The following RBPMS2 variants were observed in gnomAD, a reference collection of about 807,000 sequenced individuals.
The protein encoded by RBPMS2 is RNA-binding protein with multiple splicing 2.
Under a neutral mutation model 25.7 loss-of-function variants are expected in RBPMS2, and 14 were observed. The ratio of observed to expected loss-of-function variants is 0.55; its 90% CI spans 0.36 to 0.85. The LOEUF (loss-of-function observed/expected upper bound fraction) is 0.85. Ranked by LOEUF, RBPMS2 falls within the 40% of genes least tolerant of loss-of-function variation. RBPMS2 has a pLI of 0.01. For missense variants in RBPMS2, 252 were observed against 283.4 expected (o/e 0.89, Z 0.80); for synonymous variants, 127 against 115.6 (o/e 1.10, Z -0.63).
chr15:64,760,869 A>T (rs900281578), intron 1 of RBPMS2, among the ~76,000 whole-genome samples: 1 of 151,664 alleles, frequency 6.6e-6, no homozygotes, highest in African/African-American at 2.4e-5. Flanking sequence ...AACCACTGGA[A>T]CCACTCCCCA....
intron 1 of RBPMS2, among the ~76,000 whole-genome samples, chr15:64,760,509 G>A (rs531482303): frequency 6.6e-6 from 1 of 152,200 alleles, no homozygotes; most frequent in East Asian, 1.9e-4. Context: ...ACAAATCCCG[G>A]CCTTAGAATA....
intron 1 of RBPMS2, among the ~76,000 whole-genome samples, chr15:64,757,517 G>A (rs1595790472): frequency 6.6e-6 from 1 of 152,172 alleles, no homozygotes; most frequent in South Asian, 2.1e-4. Flanking sequence ...TTCCCCAGAG[G>A]AGGTAATGCC....
intron 1 of RBPMS2, chr15:64,762,319 G>A: frequency 1.9e-6 from 1 of 517,506 alleles, no homozygotes; most frequent in Non-Finnish European, 3.9e-6. Flanking sequence ...AGCTGAGTGT[G>A]AGTGGCCTTG....
In RBPMS2 at chr15:64,751,652, C is replaced by T. The variant is rs1778777733; in HGVS notation, c.88-14G>A. 1.2e-6 allele frequency: 2 copies of T among 1,612,524 alleles called. No individual in the cohort carries two copies. The highest frequency in any genetic ancestry group is 3.3e-5 in the Admixed American group (2 of 59,990). ...CAGTGTCCGGACCTGGAGACAGAGACCAGTGATCAGGGCCAGGCTGCCCAA... is the reference window on the plus strand; with the variant it reads ...CAGTGTCCGGACCTGGAGACAGAGATCAGTGATCAGGGCCAGGCTGCCCAA... On this transcript the variant is annotated splice_polypyrimidine_tract_variant and intron_variant, in intron 1 of 7. Coordinates refer to ENST00000300069, the MANE Select transcript of RBPMS2 (RefSeq NM_194272.3).
intron 1 of RBPMS2, among the ~76,000 whole-genome samples, chr15:64,753,348 C>A (rs947580605): frequency 1.3e-5 from 2 of 152,202 alleles, no homozygotes; most frequent in African/African-American, 2.4e-5. Flanking sequence ...AGAACTTGCT[C>A]CGCTCTCTAG....
intron 1 of RBPMS2, among the ~76,000 whole-genome samples, chr15:64,773,485 G>C (rs1042105947): frequency 1.3e-5 from 2 of 152,218 alleles, no homozygotes; most frequent in African/African-American, 4.8e-5. Flanking sequence ...AACTCCCAAG[G>C]AGGAATAGTA....
chr15:64,740,964 CCA>C lies in RBPMS2; in HGVS notation c.*42_*43del. On this transcript the variant is annotated 3_prime_UTR_variant, in exon 8 of 8. Transcript: ENST00000300069. ...ACTCGGGGCGCCTGTCCCGGCACCA[CCA>C]CAGATTACCAGAACCACCTCCCCGG... is the stretch of plus-strand genomic sequence containing the variant. 2.0e-6 allele frequency: 1 copy of C among 512,156 alleles called. No homozygotes were observed. The highest frequency in any genetic ancestry group is 2.2e-5 in the South Asian group (1 of 44,938). The allele number at this position is 512,156 out of a possible 1,614,324, so 31.7% of individuals were successfully genotyped here.
At chr15:64,766,543 T>C (rs2083847869) in intron 1 of RBPMS2, among the ~76,000 whole-genome samples, 1 of 151,886 alleles carries the variant, frequency 6.6e-6, no homozygotes, top group Non-Finnish European at 1.5e-5. Context: ...TTTTTTTTTT[T>C]TAAGATGGAG....
chr15:64,748,816 G>A (rs1325348604), intron 5 of RBPMS2, among the ~76,000 whole-genome samples, 184 bp downstream of exon 5: 1 of 152,212 alleles, frequency 6.6e-6, no homozygotes, highest in Non-Finnish European at 1.5e-5. Context: ...CAGGGAAGCT[G>A]GAAGCCCTGG....
At chr15:64,751,718 A>G in intron 1 of RBPMS2, 80 bp from the exon 2 acceptor site, 3 of 1,163,030 alleles carry the variant, frequency 2.6e-6, no homozygotes, top group Non-Finnish European at 3.9e-6. Context: ...CAGGCAGGCA[A>G]CTGGAATCCT....
chr15:64,744,798 G>GTTGTTTT (rs2083601378), intron 6 of RBPMS2, among the ~76,000 whole-genome samples: 1 of 46,288 alleles, frequency 2.2e-5, no homozygotes, highest in African/African-American at 7.4e-5. Flanking sequence ...GGTTTGTTTT[G>GTTGTTTT]TTTTTTTTTT....
Position 64,748,527 on chromosome 15 carries a change from C to T in RBPMS2, c.459G>A (p.Glu153=). 1.9e-6 allele frequency: 3 copies of T among 1,605,178 alleles called. No homozygotes were observed. In the South Asian group the frequency reaches 3.3e-5, roughly 18 times the overall value. ...MGAALIPASP[E]AWAPYPLYTT... ...TGTACAAAGGGTAGGGGGCCCAGGC[C>T]TCTGGGGATGCAGGGATCAGAGCAG... Residue 153 remains glutamate, a synonymous_variant, in exon 6 of 8, where the codon GAG becomes GAA. Coordinates refer to ENST00000300069, the MANE Select transcript of RBPMS2 (RefSeq NM_194272.3).
At chr15:64,757,330 A>C (rs1265459513) in intron 1 of RBPMS2, among the ~76,000 whole-genome samples, 1 of 151,092 alleles carries the variant, frequency 6.6e-6, no homozygotes, top group African/African-American at 2.4e-5. Context: ...AGCTCACCTT[A>C]CTCTCCCCAT....
At chr15:64,749,521 ATATCTCTCCTAGCATTCCACCT>A (rs766988365) in intron 3 of RBPMS2, 28 bp from the exon 4 acceptor site, 2 of 1,580,324 alleles carry the variant, frequency 1.3e-6, no homozygotes, top group Admixed American at 3.5e-5. Flanking sequence ...GAACACCCTT[ATATCTCTCCTAGCATTCCACCT>A]CTCCCTCCAA....
chr15:64,749,097 T>G lies in RBPMS2; in HGVS notation c.321A>C (p.Lys107Asn). The G allele has an allele frequency of 6.2e-7, 1 of 1,614,162 alleles. No individual in the cohort carries two copies. Among genetic ancestry groups the G allele is most frequent in the Non-Finnish European group, 8.5e-7 (1 of 1,180,016 alleles). Residue 107 changes from lysine to asparagine, a missense_variant, in exon 5 of 8, where the codon AAA (lysine) becomes AAC (asparagine). Coordinates refer to ENST00000300069, the MANE Select transcript of RBPMS2 (RefSeq NM_194272.3). ...TGCTCTTGGCCATCTTGGTGTTGGC[T>G]TTGGCAAACTCTAGCCTCAGAGTCT... ...NPQTLRLEFA[K>N]ANTKMAKSKL...
chr15:64,754,248 G>T (rs918999563), intron 1 of RBPMS2, among the ~76,000 whole-genome samples: 1 of 152,094 alleles, frequency 6.6e-6, no homozygotes, highest in African/African-American at 2.4e-5. Flanking sequence ...GGAGGCAGAG[G>T]TTGTGGTGAG....
chr15:64,742,257 G>C (rs183498817), intron 6 of RBPMS2, among the ~76,000 whole-genome samples: 1 of 152,348 alleles, frequency 6.6e-6, no homozygotes, highest in Admixed American at 6.5e-5. Flanking sequence ...TGATTCTTCT[G>C]AGAAGCCATG....
Position 64,775,490 on chromosome 15 carries a change from A to C in RBPMS2, c.-171T>G. The C allele has an allele frequency of 8.6e-6, 1 of 115,910 alleles. No individual in the cohort carries two copies. The highest frequency in any genetic ancestry group is 1.7e-5 in the Non-Finnish European group (1 of 57,580). The allele number at this position is 115,910 out of a possible 1,614,324, so 7.2% of individuals were successfully genotyped here. On this transcript the variant is annotated 5_prime_UTR_variant, in exon 1 of 8. Coordinates refer to ENST00000300069, the MANE Select transcript of RBPMS2 (RefSeq NM_194272.3). ...TCCGCGTCGGGCCAGGGTCACATCA[A>C]GTTTGGCGGGTGCGGAAGGTGGGGA...
At chr15:64,772,513 C>T (rs542039658) in intron 1 of RBPMS2, among the ~76,000 whole-genome samples, 2 of 152,210 alleles carry the variant, frequency 1.3e-5, no homozygotes, top group South Asian at 4.1e-4. Flanking sequence ...ATACCACAGT[C>T]ATTACTGCCC....
Sources: gnomAD v4.1 joint callset for allele counts (sites outside exome capture counted in the v4.1 genomes callset) on GRCh38, gnomAD v4.1.1 for gene constraint, MANE v1.5 for transcripts, NCBI Gene and HGNC (gene_info 2026-07-23, HGNC 2026-07-21) for gene names.